Variants in NEBL observed in about 807,000 individuals in gnomAD.
NEBL encodes the protein LIM and SH3 protein 2.
A neutral mutation model predicts 140.2 loss-of-function variants in NEBL; 122 were observed. The ratio of observed to expected loss-of-function variants is 0.87; its 90% CI spans 0.75 to 1.01. The LOEUF (loss-of-function observed/expected upper bound fraction) is 1.01. Among genes scored for constraint, NEBL ranks in the 50% least tolerant of loss-of-function variants. The pLI, the probability that NEBL is intolerant of heterozygous loss-of-function variation, is 0.00. For missense variants in NEBL, 1,365 were observed against 1,231.3 expected (o/e 1.11, Z -1.62); for synonymous variants, 436 against 398.9 (o/e 1.09, Z -1.11).
chr10:21,251,983 C>T (rs558145164), intron 1 of NEBL, among the ~76,000 whole-genome samples: 1 of 152,282 alleles, frequency 6.6e-6, no homozygotes, highest in Non-Finnish European at 1.5e-5. Context: ...ACCAGCCCCA[C>T]CTCCCAGGAT....
At chr10:20,867,501 C>G (rs577791726) in intron 7 of NEBL, among the ~76,000 whole-genome samples, 1 of 152,094 alleles carries the variant, frequency 6.6e-6, no homozygotes, top group Non-Finnish European at 1.5e-5. Flanking sequence ...GCAAACATTA[C>G]CTTTTTCATT....
In NEBL at chr10:21,173,649, C is replaced by G; in HGVS notation, c.69+116G>C. On this transcript the variant is annotated intron_variant, in intron 1 of 6. Coordinates refer to the NEBL transcript ENST00000417816. The surrounding 1 kb of genome is among the most constrained non-coding windows in gnomAD (Gnocchi z 5.7). ...CGCGCGCCCTCCCCCCGTGCCAAGG[C>G]ACACGCACACGCACCGACCCACTCA... is the stretch of plus-strand genomic sequence containing the variant. 6.5e-7 allele frequency: 1 copy of G among 1,543,960 alleles called. No homozygotes were observed. The highest frequency in any genetic ancestry group is 8.8e-7 in the Non-Finnish European group (1 of 1,134,154).
rs565011567 is a variant in NEBL, at chr10:21,002,708, G to A, written c.249+17409C>T. On this transcript the variant is annotated intron_variant, in intron 3 of 6. Transcript: ENST00000417816. ...GTACGAAAGAGAGCGAGCGAAGGGG[G>A]AAGCGCTACACACTTTTAAACAACC... 4.6e-5 allele frequency among the ~76,000 whole-genome samples: 7 copies of A among 152,166 alleles called. No homozygotes were observed. The East Asian group carries it at 1.4e-3, about 30-fold the overall frequency.
Position 21,088,596 on chromosome 10 carries a change from C to T in NEBL, c.165-68395G>A, listed in dbSNP as rs970743628. On this transcript the variant is annotated intron_variant, in intron 2 of 6. Coordinates refer to the NEBL transcript ENST00000417816. ...TCTGAGTGCAGCCAGGTACTTCCTGCGGGGATGGAAACTAGAATATTTAGT... is the reference window on the plus strand; with the variant it reads ...TCTGAGTGCAGCCAGGTACTTCCTGTGGGGATGGAAACTAGAATATTTAGT... Among the ~76,000 whole-genome samples, 5 of 152,198 alleles carry T rather than the reference C, an allele frequency of 3.3e-5. No homozygotes were observed. The East Asian group carries it at 5.8e-4, about 18-fold the overall frequency.
At position 20,826,506 on chromosome 10, in the gene NEBL, C is replaced by A. The variant is rs1367114613; in HGVS notation, c.1810G>T (p.Ala604Ser). 6.2e-7 allele frequency: 1 copy of A among 1,612,744 alleles called. No homozygotes were observed. The highest frequency in any genetic ancestry group is 2.2e-5 in the East Asian group (1 of 44,842). The change falls in exon 18 of 28, where the codon GCA becomes TCA. Residue 604 changes from alanine (A) to serine (S), a missense_variant. Transcript: ENST00000377122. ...FYKKEVGAGT[A>S]VKDSPEIERV... Reference sequence around the variant, plus strand: ...TCGATCTCTGGGCTATCTTTCACTGCAGTGCCAGCTCCCACTTCTTTCTTA... The same window carrying A: ...TCGATCTCTGGGCTATCTTTCACTGAAGTGCCAGCTCCCACTTCTTTCTTA...
At chr10:20,912,246 C>T (rs7907683) in intron 4 of NEBL, among the ~76,000 whole-genome samples, 1 of 152,174 alleles carries the variant, frequency 6.6e-6, no homozygotes, top group African/African-American at 2.4e-5. Flanking sequence ...TGCTCACAGA[C>T]GTGGCTTGCA....
chr10:20,887,701 G>C (rs1846653215), intron 4 of NEBL, among the ~76,000 whole-genome samples: 1 of 152,196 alleles, frequency 6.6e-6, no homozygotes, highest in Non-Finnish European at 1.5e-5. Flanking sequence ...ACAGGCCTGA[G>C]CCAGAGTGTC....
rs1161002263 is a variant in NEBL, at chr10:21,147,590, C to G, written c.164+24793G>C. ...GTAGTGTAAGTTTCCTCAGTCTTCT[C>G]TACTCCATAAGTCCTTTCTTCCCAG... On this transcript the variant is annotated intron_variant, in intron 2 of 6. Coordinates refer to the NEBL transcript ENST00000417816. 2.0e-5 allele frequency among the ~76,000 whole-genome samples: 3 copies of G among 152,270 alleles called. No homozygotes were observed. The East Asian group carries it at 5.8e-4, about 29-fold the overall frequency.
chr10:21,263,321 A>G (rs1842762332), intron 1 of NEBL, among the ~76,000 whole-genome samples: 1 of 152,144 alleles, frequency 6.6e-6, no homozygotes, highest in East Asian at 1.9e-4. Context: ...AATTGAGAAG[A>G]TGGCGGACTA....
intron 3 of NEBL, among the ~76,000 whole-genome samples, chr10:20,972,770 A>C (rs114617209): frequency 0.024 from 3,718 of 152,250 alleles, 148 homozygotes; most frequent in African/African-American, 0.085. Flanking sequence ...AAATTAAAAA[A>C]AAAATGTAAA....
At chr10:21,131,168 C>G (rs769349496) in intron 2 of NEBL, among the ~76,000 whole-genome samples, 21 of 152,140 alleles carry the variant, frequency 1.4e-4, no homozygotes, top group Non-Finnish European at 3.1e-4. Context: ...TTGCAAGACA[C>G]AATCTGCCAA....
chr10:20,915,476 A>G (rs560253106), intron 4 of NEBL, among the ~76,000 whole-genome samples: 4 of 149,776 alleles, frequency 2.7e-5, no homozygotes, highest in South Asian at 4.3e-4. Context: ...TCATTGTTCA[A>G]TTCCCACCTA....
intron 3 of NEBL, among the ~76,000 whole-genome samples, chr10:21,219,894 G>A (rs1290931137): frequency 4.9e-5 from 7 of 142,652 alleles, no homozygotes; most frequent in African/African-American, 7.9e-5. Flanking sequence ...CATTGTTAGT[G>A]TATACAAATG....
chr10:21,133,070 T>G (rs1839189393), intron 2 of NEBL, among the ~76,000 whole-genome samples: 1 of 152,242 alleles, frequency 6.6e-6, no homozygotes, highest in Admixed American at 6.5e-5. Flanking sequence ...CACAAAGATT[T>G]ACTCTGTTTT....
rs1841334395 is a variant in NEBL, at chr10:20,840,732, TACTC to T, written c.1338+3_1338+6del. On this transcript the variant is annotated splice_donor_5th_base_variant and intron_variant, in intron 13 of 27. Coordinates refer to ENST00000377122, the MANE Select transcript of NEBL (RefSeq NM_006393.3). ...ATTCATCTAAGGTGTTAAATAAACA[TACTC>T]ACCTCACTTGCCATTTCAGAGGCTC... is the stretch of plus-strand genomic sequence containing the variant. The T allele has an allele frequency of 1.9e-6, 3 of 1,573,746 alleles. No homozygotes were observed. Among genetic ancestry groups the T allele is most frequent in the Non-Finnish European group, 2.6e-6 (3 of 1,144,054 alleles).
At chr10:21,060,142 GT>G (rs1835208766) in intron 2 of NEBL, among the ~76,000 whole-genome samples, 1 of 152,154 alleles carries the variant, frequency 6.6e-6, no homozygotes, top group Admixed American at 6.5e-5. Flanking sequence ...TGATGAAGAG[GT>G]GCTTCTAAAT....
chr10:20,931,750 C>T (rs1334013301), intron 4 of NEBL, among the ~76,000 whole-genome samples: 1 of 152,178 alleles, frequency 6.6e-6, no homozygotes, highest in African/African-American at 2.4e-5. Context: ...GAAATCAAAA[C>T]TCTTCTTCCC....
At chr10:20,977,561 C>CAGGAGG (rs1363033609) in intron 3 of NEBL, among the ~76,000 whole-genome samples, 1 of 151,654 alleles carries the variant, frequency 6.6e-6, no homozygotes, top group African/African-American at 2.4e-5. Flanking sequence ...TGTGAGCCCA[C>CAGGAGG]AGGAGGAGGA....
chr10:21,277,212 T>C (rs894519960), intron 1 of NEBL, among the ~76,000 whole-genome samples: 5 of 149,516 alleles, frequency 3.3e-5, no homozygotes, highest in Admixed American at 6.6e-5. Flanking sequence ...TTCTTTCTTT[T>C]TTTTTTTTTT....
Sources: allele counts gnomAD v4.1 joint callset (sites outside exome capture counted in the v4.1 genomes callset), GRCh38; gene constraint gnomAD v4.1.1; non-coding constraint Gnocchi (gnomAD v3.1); transcripts MANE v1.5; gene names NCBI Gene and HGNC (gene_info 2026-07-23, HGNC 2026-07-21).